BLTP1: variants seen among roughly 807,000 people sequenced by gnomAD.
BLTP1 encodes the protein bridge-like lipid transfer protein family member 1.
chr4:122,289,071 T>C, the BLTP1 span: 2 of 1,604,390 alleles, frequency 1.2e-6, no homozygotes, highest in East Asian at 2.2e-5. Context: ...TAATCTAATA[T>C]GATTTTGTCT....
At chr4:122,160,902 A>G in the BLTP1 span, among the ~76,000 whole-genome samples, 2 of 152,186 alleles carry the variant, frequency 1.3e-5, no homozygotes, top group Non-Finnish European at 2.9e-5. Flanking sequence ...AATTTGTTAC[A>G]TATGCGCAGA....
the BLTP1 span, among the ~76,000 whole-genome samples, chr4:122,221,416 A>G: frequency 1.3e-5 from 2 of 152,160 alleles, no homozygotes; most frequent in African/African-American, 4.8e-5. Flanking sequence ...ATTTTGAAAT[A>G]ATTATAGTTT....
chr4:122,309,049 T>C, the BLTP1 span, among the ~76,000 whole-genome samples: 2 of 152,076 alleles, frequency 1.3e-5, no homozygotes, highest in African/African-American at 4.8e-5. Flanking sequence ...GAAATGTAGA[T>C]AGCCCTTTGT....
the BLTP1 span, chr4:122,280,062 A>T: frequency 6.3e-7 from 1 of 1,593,248 alleles, no homozygotes; most frequent in African/African-American, 1.3e-5. Flanking sequence ...AAAAGTTTGG[A>T]GGGAGATGAA....
the BLTP1 span, chr4:122,355,740 G>A: frequency 6.6e-7 from 1 of 1,516,216 alleles, no homozygotes; most frequent in African/African-American, 1.4e-5. Context: ...AAGCTATATA[G>A]GCTTGTCAAT....
chr4:122,299,949 T>C, the BLTP1 span: 1 of 981,568 alleles, frequency 1.0e-6, no homozygotes, highest in Non-Finnish European at 1.2e-6. Flanking sequence ...GCACTAAGTG[T>C]ACAAAGACAC....
the BLTP1 span, chr4:122,234,992 A>G: frequency 1.2e-6 from 2 of 1,605,062 alleles, no homozygotes; most frequent in Non-Finnish European, 1.7e-6. Flanking sequence ...GAGAATGGAT[A>G]ATTACTAAAG....
At chr4:122,273,195 G>T in the BLTP1 span, 31 of 953,200 alleles carry the variant, frequency 3.3e-5, no homozygotes, top group Non-Finnish European at 3.9e-5. Flanking sequence ...TTAACTTTAT[G>T]ATTCAGAAAT....
the BLTP1 span, chr4:122,222,083 T>C: frequency 2.9e-5 from 5 of 173,818 alleles, no homozygotes; most frequent in African/African-American, 9.6e-5. Context: ...AAAGTAGAAG[T>C]ACTAGTGATA....
chr4:122,205,295 C>A, the BLTP1 span, among the ~76,000 whole-genome samples: 44,624 of 151,564 alleles, frequency 0.29, 7,583 homozygotes, highest in East Asian at 0.45. Flanking sequence ...TACCCTGTGC[C>A]AGTTACTTTG....
the BLTP1 span, chr4:122,267,051 ATTTT>A: frequency 0.019 from 2,879 of 151,412 alleles, no homozygotes; most frequent in Non-Finnish European, 0.021. Context: ...TAAGGAAGTA[ATTTT>A]TTTTTTTTTT....
At chr4:122,274,378 A>G in the BLTP1 span, 1 of 1,596,284 alleles carries the variant, frequency 6.3e-7, no homozygotes, top group Non-Finnish European at 8.6e-7. Flanking sequence ...GACTTGTGCT[A>G]CTGCTCATAT....
At chr4:122,223,067 G>T in the BLTP1 span, 765 of 825,590 alleles carry the variant, frequency 9.3e-4, 8 homozygotes, top group African/African-American at 0.012. Context: ...AGTTCCCTCA[G>T]TAAAAAAGGT....
chr4:122,257,441 G>A, the BLTP1 span: 1 of 1,614,012 alleles, frequency 6.2e-7, no homozygotes, highest in South Asian at 1.1e-5. Flanking sequence ...GGACAATGGG[G>A]GTGGTCTTCA....
the BLTP1 span, among the ~76,000 whole-genome samples, chr4:122,341,310 T>C: frequency 1.3e-5 from 2 of 152,290 alleles, no homozygotes; most frequent in African/African-American, 4.8e-5. Flanking sequence ...ACTGTATTCT[T>C]CCCAACACTG....
chr4:122,190,244 A>T, the BLTP1 span: 1 of 574,234 alleles, frequency 1.7e-6, no homozygotes, highest in Non-Finnish European at 2.2e-6. Context: ...TGACAGGAAT[A>T]TGCCACTATG....
chr4:122,314,020 C>A, the BLTP1 span: 83 of 954,482 alleles, frequency 8.7e-5, no homozygotes, highest in Non-Finnish European at 9.6e-5. Flanking sequence ...GTGATATGTA[C>A]AATAAAACAT....
At chr4:122,344,359 GTGTT>G in the BLTP1 span, 21 of 1,609,898 alleles carry the variant, frequency 1.3e-5, no homozygotes, top group South Asian at 6.6e-5. Context: ...TGTGGGGGTT[GTGTT>G]TGTTTGTTTG....
the BLTP1 span, among the ~76,000 whole-genome samples, chr4:122,160,889 G>A: frequency 6.6e-6 from 1 of 152,118 alleles, no homozygotes; most frequent in Non-Finnish European, 1.5e-5. Context: ...ATTATCTGAA[G>A]ATAATTTGTT....
Sources: gnomAD v4.1 joint callset for allele counts (sites outside exome capture counted in the v4.1 genomes callset) on GRCh38, gnomAD v4.1.1 for gene constraint, MANE v1.5 for transcripts, NCBI Gene and HGNC (gene_info 2026-07-23, HGNC 2026-07-21) for gene names.